PHACTR3: variants seen among roughly 807,000 people sequenced by gnomAD.
PHACTR3 encodes the protein protein phosphatase 1, regulatory subunit 123.
In PHACTR3, 16 loss-of-function variants were observed where a neutral mutation model predicts 66.8. The ratio of observed to expected loss-of-function variants is 0.24; its 90% CI spans 0.16 to 0.36. PHACTR3 has a LOEUF of 0.36. Ranked by LOEUF, PHACTR3 falls within the 10% of genes least tolerant of loss-of-function variation. The pLI, the probability that PHACTR3 is intolerant of heterozygous loss-of-function variation, is 1.00. For synonymous variants in PHACTR3, 323 were observed against 292.1 expected, an observed-to-expected ratio of 1.11 and a Z score of -1.08; for missense variants, 647 against 719.9, an observed-to-expected ratio of 0.90 and a Z score of 1.16.
chr20:59,639,074 TGG>T lies in PHACTR3; in HGVS notation c.118+33943_118+33944del, dbSNP rs1568951968. Among the ~76,000 whole-genome samples the T allele has an allele frequency of 5.2e-3, 659 of 126,704 alleles. 9 individuals are homozygous for T. The highest frequency in any genetic ancestry group is 0.018 in the African/African-American group (613 of 34,246). The allele number at this position is 126,704 out of a possible 152,430, so 83.1% of individuals were successfully genotyped here. On this transcript the variant is annotated intron_variant, in intron 1 of 12. Transcript: ENST00000371015. Reference sequence around the variant, plus strand: ...GGAGATGGATAGATGGATGGATGGATGGATGGATGGATGGATGGATGGATGGG... The same window carrying T: ...GGAGATGGATAGATGGATGGATGGATATGGATGGATGGATGGATGGATGGG...
At chr20:59,773,490 A>G (rs1288408959) in intron 6 of PHACTR3, 37 bp downstream of exon 6, 2 of 1,551,052 alleles carry the variant, frequency 1.3e-6, no homozygotes, top group Non-Finnish European at 1.7e-6. Context: ...CTGTGCTGCC[A>G]GAATCCCTGC....
chr20:59,744,098 C>T (rs2146772990), intron 2 of PHACTR3, among the ~76,000 whole-genome samples: 1 of 152,364 alleles, frequency 6.6e-6, no homozygotes, highest in East Asian at 1.9e-4. Flanking sequence ...CACATAACGG[C>T]AGAACACGGC....
chr20:59,628,506 G>T, intron 1 of PHACTR3: 2 of 415,610 alleles, frequency 4.8e-6, no homozygotes, highest in Non-Finnish European at 6.5e-6. Context: ...GGCCCTCGGA[G>T]TGCAGCCGTG....
At chr20:59,698,621 A>T (rs2037385758) in intron 1 of PHACTR3, among the ~76,000 whole-genome samples, 1 of 152,168 alleles carries the variant, frequency 6.6e-6, no homozygotes, top group Non-Finnish European at 1.5e-5. Context: ...AAAACAAGAG[A>T]TTTATTTGAG....
At position 59,778,668 on chromosome 20, in the gene PHACTR3, C is replaced by T. The variant is rs71321553; in HGVS notation, c.1174+4178C>T. ...TAGTTCTTACTGTGCGCACAGCTCA[C>T]GAGTGCTAAGTGCAAAATAAATATC... On this transcript the variant is annotated intron_variant, in intron 7 of 12. Coordinates refer to ENST00000371015, the MANE Select transcript of PHACTR3 (RefSeq NM_080672.5). 1.2e-3 allele frequency among the ~76,000 whole-genome samples: 176 copies of T among 152,312 alleles called. 1 individual carries two copies. Among genetic ancestry groups the T allele is most frequent in the Non-Finnish European group, 1.6e-3 (108 of 68,024 alleles).
At chr20:59,635,169 C>CTTTCTTTCCTTTCTTT (rs1555881178) in intron 1 of PHACTR3, among the ~76,000 whole-genome samples, 2 of 55,340 alleles carry the variant, frequency 3.6e-5, no homozygotes, top group Admixed American at 2.3e-4. Context: ...TTCTTTCTTT[C>CTTTCTTTCCTTTCTTT]CTTTCTTTCT....
At chr20:59,661,148 T>C (rs1023476962) in intron 1 of PHACTR3, among the ~76,000 whole-genome samples, 1 of 152,212 alleles carries the variant, frequency 6.6e-6, no homozygotes, top group African/African-American at 2.4e-5. Flanking sequence ...TCTAGGGGCA[T>C]GATTAGCAGA....
At chr20:59,699,123 A>T (rs2037400711) in intron 1 of PHACTR3, among the ~76,000 whole-genome samples, 1 of 152,210 alleles carries the variant, frequency 6.6e-6, no homozygotes, top group African/African-American at 2.4e-5. Flanking sequence ...CAGGGAAAAT[A>T]TCTAAAACCA....
intron 11 of PHACTR3, chr20:59,844,924 C>T: frequency 3.8e-6 from 1 of 263,486 alleles, no homozygotes; most frequent in South Asian, 6.1e-5. Flanking sequence ...AACAAAATAT[C>T]ACATGTACCC....
intron 8 of PHACTR3, among the ~76,000 whole-genome samples, chr20:59,816,252 A>T (rs1185378482): frequency 1.3e-5 from 2 of 152,084 alleles, no homozygotes; most frequent in African/African-American, 4.8e-5. Context: ...TGCTGATCTG[A>T]CAGGAGGTGG....
At chr20:59,835,178 C>G (rs2042489385) in intron 8 of PHACTR3, among the ~76,000 whole-genome samples, 1 of 152,132 alleles carries the variant, frequency 6.6e-6, no homozygotes, top group Admixed American at 6.5e-5. Context: ...GAATGAGTGG[C>G]CTTTGGGGTG....
chr20:59,814,051 C>T (rs2041817942), intron 8 of PHACTR3, among the ~76,000 whole-genome samples: 1 of 152,192 alleles, frequency 6.6e-6, no homozygotes, highest in Non-Finnish European at 1.5e-5. Context: ...GAGGGCCTTG[C>T]CCACCAAGGA....
Position 59,605,846 on chromosome 20 carries a change from C to CGG in PHACTR3, c.118+721_118+722dup, listed in dbSNP as rs200107140. Among the ~76,000 whole-genome samples, 30 of 7,756 alleles carry CGG rather than the reference C, an allele frequency of 3.9e-3. 1 individual carries two copies. Among genetic ancestry groups the CGG allele is most frequent in the Middle Eastern group, 0.062 (1 of 16 alleles). 5.1% of individuals were successfully genotyped at this position (7,756 alleles called of 152,430 possible). A position where few individuals can be genotyped will look rare whatever the true frequency, so the allele number is the denominator to read the frequency against. On this transcript the variant is annotated intron_variant, in intron 1 of 12. Transcript: ENST00000371015. ...AGAGAGGAAGAAAGGCCTAATAAAG[C>CGG]GGGGGGGGAGGTGGGGGGGGGGGTG...
chr20:59,817,831 G>A (rs1380294347), intron 8 of PHACTR3, among the ~76,000 whole-genome samples: 1 of 152,238 alleles, frequency 6.6e-6, no homozygotes, highest in East Asian at 1.9e-4. Flanking sequence ...TGTGCACCCA[G>A]AAAACATATT....
chr20:59,781,593 G>A (rs1252559544), intron 7 of PHACTR3, among the ~76,000 whole-genome samples: 1 of 152,228 alleles, frequency 6.6e-6, no homozygotes, highest in Non-Finnish European at 1.5e-5. Flanking sequence ...AAGGTTTTCT[G>A]AGGGTGTGTC....
intron 4 of PHACTR3, among the ~76,000 whole-genome samples, chr20:59,759,183 A>G (rs578217716): frequency 3.5e-4 from 53 of 152,292 alleles, no homozygotes; most frequent in African/African-American, 1.1e-3. Context: ...GACAACCCCG[A>G]GGCCTCATCC....
chr20:59,661,855 T>C (rs1221976109), intron 1 of PHACTR3, among the ~76,000 whole-genome samples: 2 of 151,800 alleles, frequency 1.3e-5, no homozygotes, highest in Admixed American at 1.3e-4. Context: ...GTGTGAAAAA[T>C]GAAATTTCTA....
chr20:59,745,638 C>A (rs540122625), intron 2 of PHACTR3, among the ~76,000 whole-genome samples: 2 of 152,320 alleles, frequency 1.3e-5, no homozygotes, highest in East Asian at 3.9e-4. Context: ...GAAGTGAATG[C>A]AAAGATGATT....
intron 1 of PHACTR3, among the ~76,000 whole-genome samples, chr20:59,631,921 G>A (rs1315677925): frequency 6.6e-6 from 1 of 152,160 alleles, no homozygotes; most frequent in Non-Finnish European, 1.5e-5. Flanking sequence ...CCTGTAGAGT[G>A]GCATCTGGCC....
Sources: allele counts gnomAD v4.1 joint callset (sites outside exome capture counted in the v4.1 genomes callset), GRCh38; gene constraint gnomAD v4.1.1; transcripts MANE v1.5; gene names NCBI Gene and HGNC (gene_info 2026-07-23, HGNC 2026-07-21).